The following CEP128 variants were observed in gnomAD, a reference collection of about 807,000 sequenced individuals.
CEP128 encodes the protein centrosomal protein 128.
Under a neutral mutation model 156.7 loss-of-function variants are expected in CEP128, and 132 were observed. The observed-to-expected ratio is 0.84, with a 90% CI of 0.73 to 0.97. The LOEUF is 0.97. Ranked by LOEUF, CEP128 falls within the 50% of genes least tolerant of loss-of-function variation. The pLI, the probability that CEP128 is intolerant of heterozygous loss-of-function variation, is 0.00. For missense variants in CEP128, 1,252 were observed against 1,281.9 expected, an observed-to-expected ratio of 0.98 and a Z score of 0.36; for synonymous variants, 469 against 448.9, an observed-to-expected ratio of 1.04 and a Z score of -0.57.
chr14:80,702,110 C>T (rs942170950), intron 19 of CEP128, among the ~76,000 whole-genome samples: 1 of 152,154 alleles, frequency 6.6e-6, no homozygotes, highest in Non-Finnish European at 1.5e-5. Flanking sequence ...CTAACATACT[C>T]TATAATTTAT....
intron 13 of CEP128, among the ~76,000 whole-genome samples, chr14:80,804,354 A>G (rs1185664277): frequency 1.3e-5 from 2 of 152,158 alleles, no homozygotes; most frequent in Non-Finnish European, 2.9e-5. Context: ...CATATACTGC[A>G]ATGATAATGA....
chr14:80,504,889 G>T, intron 24 of CEP128, 23 bp downstream of exon 24: 2 of 1,272,024 alleles, frequency 1.6e-6, no homozygotes, highest in South Asian at 2.9e-5. Context: ...ATTTAAAAAT[G>T]GGTACAAGAC....
intron 20 of CEP128, among the ~76,000 whole-genome samples, chr14:80,562,957 C>T (rs987042852): frequency 1.3e-4 from 20 of 152,072 alleles, no homozygotes. Context: ...AACCACCACA[C>T]GTGGGCCAAT....
At chr14:80,883,562 A>G (rs1006303794) in intron 8 of CEP128, among the ~76,000 whole-genome samples, 6 of 152,148 alleles carry the variant, frequency 3.9e-5, no homozygotes, top group Non-Finnish European at 7.4e-5. Flanking sequence ...AGTGAAAACT[A>G]TATAAGATTG....
intron 23 of CEP128, among the ~76,000 whole-genome samples, chr14:80,507,291 A>G (rs1161684607): frequency 6.6e-6 from 1 of 152,122 alleles, no homozygotes; most frequent in African/African-American, 2.4e-5. Flanking sequence ...GGGATTTTCA[A>G]TTTTCACTAA....
chr14:80,840,289 T>C (rs1019250866), intron 10 of CEP128, among the ~76,000 whole-genome samples: 4 of 152,106 alleles, frequency 2.6e-5, no homozygotes, highest in African/African-American at 9.7e-5. Context: ...TTAATATAAA[T>C]AGAGAATGTT....
chr14:80,527,989 G>A (rs899944546), intron 22 of CEP128, among the ~76,000 whole-genome samples: 1 of 151,504 alleles, frequency 6.6e-6, no homozygotes, highest in African/African-American at 2.4e-5. Flanking sequence ...AAAACAATGA[G>A]GACAACTGAT....
chr14:80,941,807 A>G (rs1478426396), upstream of CEP128: 7 of 152,656 alleles, frequency 4.6e-5, no homozygotes, highest in Non-Finnish European at 2.9e-5. Context: ...GTTGTAGTCC[A>G]TCTCGGCCTC....
At chr14:80,561,459 A>C (rs1890670076) in intron 20 of CEP128, among the ~76,000 whole-genome samples, 1 of 152,204 alleles carries the variant, frequency 6.6e-6, no homozygotes, top group Non-Finnish European at 1.5e-5. Flanking sequence ...ACCATTCAGC[A>C]ATACTTTAAT....
intron 21 of CEP128, among the ~76,000 whole-genome samples, chr14:80,557,705 G>T (rs916239441): frequency 6.6e-6 from 1 of 152,096 alleles, no homozygotes; most frequent in Non-Finnish European, 1.5e-5. Flanking sequence ...TCTGGACATC[G>T]TCAATCAAAA....
intron 19 of CEP128, among the ~76,000 whole-genome samples, chr14:80,717,374 T>G (rs1265976981): frequency 6.6e-6 from 1 of 152,158 alleles, no homozygotes; most frequent in East Asian, 1.9e-4. Flanking sequence ...CCTGTAGAGA[T>G]TAACAAATGA....
intron 19 of CEP128, among the ~76,000 whole-genome samples, chr14:80,672,994 C>T (rs1486081675): frequency 1.3e-5 from 2 of 152,048 alleles, no homozygotes; most frequent in Admixed American, 1.3e-4. Context: ...AGATTTCCAA[C>T]GTTAAGGAAA....
chr14:80,605,203 G>A (rs1210077777), intron 19 of CEP128, among the ~76,000 whole-genome samples: 1 of 152,032 alleles, frequency 6.6e-6, no homozygotes, highest in Non-Finnish European at 1.5e-5. Context: ...GAAATTTTAG[G>A]CACTGTATCT....
chr14:80,538,903 T>C (rs1359532912), intron 21 of CEP128, among the ~76,000 whole-genome samples: 1 of 152,182 alleles, frequency 6.6e-6, no homozygotes, highest in Non-Finnish European at 1.5e-5. Context: ...GGAGCACTAA[T>C]ATAATATTAA....
At chr14:80,520,622 T>C (rs1474989066) in intron 23 of CEP128, among the ~76,000 whole-genome samples, 1 of 152,156 alleles carries the variant, frequency 6.6e-6, no homozygotes, top group Non-Finnish European at 1.5e-5. Flanking sequence ...TTTTTTTTTC[T>C]TTTTACTTAC....
intron 19 of CEP128, among the ~76,000 whole-genome samples, chr14:80,733,182 T>A (rs973491498): frequency 6.6e-6 from 1 of 152,168 alleles, no homozygotes; most frequent in Non-Finnish European, 1.5e-5. Flanking sequence ...CAATTCTCTC[T>A]TGCCTTAAGC....
intron 21 of CEP128, among the ~76,000 whole-genome samples, chr14:80,548,685 A>G (rs1181984554): frequency 6.6e-6 from 1 of 152,224 alleles, no homozygotes; most frequent in African/African-American, 2.4e-5. Flanking sequence ...TGTTTAGAAC[A>G]GGCCTATAAA....
intron 19 of CEP128, among the ~76,000 whole-genome samples, chr14:80,710,279 A>C (rs770717030): frequency 6.6e-6 from 1 of 152,062 alleles, no homozygotes; most frequent in South Asian, 2.1e-4. Context: ...GATCTTATTG[A>C]CTGTTTTCTC....
At chr14:80,795,362 G>C (rs972800645) in intron 13 of CEP128, among the ~76,000 whole-genome samples, 1 of 152,176 alleles carries the variant, frequency 6.6e-6, no homozygotes, top group African/African-American at 2.4e-5. Context: ...TTGTCAAGGA[G>C]ATGACCACTC....
Sources: gnomAD v4.1 joint callset for allele counts (sites outside exome capture counted in the v4.1 genomes callset) on GRCh38, gnomAD v4.1.1 for gene constraint, MANE v1.5 for transcripts, NCBI Gene and HGNC (gene_info 2026-07-23, HGNC 2026-07-21) for gene names.